Variants in ASAP1 observed in about 807,000 individuals in gnomAD.
The protein encoded by ASAP1 is arf-GAP with SH3 domain, ANK repeat and PH domain-containing protein 1.
In ASAP1, 43 loss-of-function variants were observed where a neutral mutation model predicts 145.2. The ratio of observed to expected loss-of-function variants is 0.30; its 90% CI spans 0.23 to 0.38. The LOEUF is 0.38. ASAP1 is among the 10% of genes least tolerant of loss of function. ASAP1 has a pLI of 1.00. For synonymous variants in ASAP1, 546 were observed against 515.5 expected, an observed-to-expected ratio of 1.06 and a Z score of -0.80; for missense variants, 1,018 against 1,355.3, an observed-to-expected ratio of 0.75 and a Z score of 3.91.
intron 3 of ASAP1, among the ~76,000 whole-genome samples, chr8:130,260,397 A>T (rs1013386918): frequency 6.6e-6 from 1 of 152,224 alleles, no homozygotes; most frequent in Admixed American, 6.5e-5. Flanking sequence ...TTCTCTTAAC[A>T]GCCAAAAGCT....
intron 2 of ASAP1, among the ~76,000 whole-genome samples, chr8:130,373,998 G>C (rs1367882195): frequency 6.8e-6 from 1 of 147,082 alleles, no homozygotes; most frequent in African/African-American, 2.5e-5. Context: ...AAAAATATTT[G>C]GTGCTCAAAG....
At chr8:130,172,749 T>TA (rs1202155891) in intron 9 of ASAP1, among the ~76,000 whole-genome samples, 1 of 152,132 alleles carries the variant, frequency 6.6e-6, no homozygotes. Flanking sequence ...ACAAAAGAAA[T>TA]ACTGAAGAAC....
intron 1 of ASAP1, among the ~76,000 whole-genome samples, chr8:130,436,540 G>A (rs982599666): frequency 6.6e-6 from 1 of 152,160 alleles, no homozygotes; most frequent in Non-Finnish European, 1.5e-5. Flanking sequence ...AAACTCCCGA[G>A]GCTCAAGCAA....
chr8:130,152,082 A>C (rs1407040766), intron 13 of ASAP1, among the ~76,000 whole-genome samples: 1 of 152,240 alleles, frequency 6.6e-6, no homozygotes, highest in East Asian at 1.9e-4. Context: ...TTGCCAACAT[A>C]ATAAATGCTC....
At chr8:130,113,624 G>A (rs2097550085) in intron 23 of ASAP1, among the ~76,000 whole-genome samples, 2 of 148,200 alleles carry the variant, frequency 1.3e-5, no homozygotes, top group Non-Finnish European at 3.0e-5. Context: ...AACTTTCAGA[G>A]GTAGTTAACT....
intron 3 of ASAP1, among the ~76,000 whole-genome samples, chr8:130,314,667 G>T (rs924688358): frequency 1.3e-5 from 2 of 152,210 alleles, no homozygotes; most frequent in South Asian, 2.1e-4. Context: ...TGCAAGGTGG[G>T]GACCTGCAAA....
Position 130,151,147 on chromosome 8 carries a change from C to A in ASAP1, c.1080+1589G>T, listed in dbSNP as rs181363932. On this transcript the variant is annotated intron_variant, in intron 13 of 29. Transcript: ENST00000518721. The stretch of plus-strand genomic sequence containing the variant: ...CAGCACTTTGGGAGGCCGAAGCGGG[C>A]AGATCACAAGGTCAGGAGTTTGAGA... Among the ~76,000 whole-genome samples, 498 of 151,970 alleles carry A rather than the reference C, an allele frequency of 3.3e-3. 3 individuals carry two copies. Among genetic ancestry groups the A allele is most frequent in the African/African-American group, 0.011 (472 of 41,478 alleles).
chr8:130,193,318 A>C (rs1041714164), intron 5 of ASAP1, among the ~76,000 whole-genome samples: 6 of 152,048 alleles, frequency 3.9e-5, no homozygotes, highest in Admixed American at 2.0e-4. Flanking sequence ...GCAGTGAGCC[A>C]AGATTGTGCC....
At chr8:130,299,663 A>G (rs901189260) in intron 3 of ASAP1, among the ~76,000 whole-genome samples, 1 of 147,126 alleles carries the variant, frequency 6.8e-6, no homozygotes. Context: ...GAAAAATGCA[A>G]AATAATTTAG....
At chr8:130,410,122 A>G (rs554666570) in intron 1 of ASAP1, among the ~76,000 whole-genome samples, 3 of 152,364 alleles carry the variant, frequency 2.0e-5, no homozygotes, top group East Asian at 1.9e-4. Flanking sequence ...GGGAAAATGC[A>G]TCTATTCATC....
In ASAP1 at chr8:130,202,877, C is replaced by T. The variant is rs1233287367; in HGVS notation, c.405+11679G>A. Among the ~76,000 whole-genome samples the T allele has an allele frequency of 2.0e-5, 3 of 152,108 alleles. No individual in the cohort carries two copies. The East Asian group carries it at 5.8e-4, about 29-fold the overall frequency. ...TGTGGCAATATGTCAATGAAAAGAT[C>T]CACTCATTTTTACTGAAAGATGTAG... is the stretch of plus-strand genomic sequence containing the variant. On this transcript the variant is annotated intron_variant, in intron 5 of 29. Transcript: ENST00000518721.
chr8:130,153,545 T>C (rs554974152), intron 12 of ASAP1, among the ~76,000 whole-genome samples: 43 of 151,450 alleles, frequency 2.8e-4, no homozygotes, highest in Admixed American at 1.3e-3. Flanking sequence ...AATTTTTACA[T>C]TTTTTGTAGA....
At chr8:130,271,607 GT>G (rs1175333340) in intron 3 of ASAP1, among the ~76,000 whole-genome samples, 1 of 152,024 alleles carries the variant, frequency 6.6e-6, no homozygotes, top group Non-Finnish European at 1.5e-5. Flanking sequence ...TTGGTCTTTT[GT>G]TTTTGCATCT....
intron 1 of ASAP1, among the ~76,000 whole-genome samples, chr8:130,434,922 T>C (rs1267512546): frequency 6.6e-6 from 1 of 152,092 alleles, no homozygotes; most frequent in East Asian, 1.9e-4. Context: ...AGACCTGAAA[T>C]GCTTACAGCC....
At chr8:130,059,161 C>T (rs2097411679) in intron 28 of ASAP1, among the ~76,000 whole-genome samples, 1 of 151,452 alleles carries the variant, frequency 6.6e-6, no homozygotes, top group East Asian at 1.9e-4. Context: ...TTTACTGCAA[C>T]ATTTAAATTT....
intron 5 of ASAP1, among the ~76,000 whole-genome samples, chr8:130,197,982 T>TA (rs1250995641): frequency 6.6e-6 from 1 of 152,182 alleles, no homozygotes; most frequent in Non-Finnish European, 1.5e-5. Flanking sequence ...CCCCTGTATG[T>TA]AAGCCCCTAA....
At chr8:130,352,372 G>A (rs6996788) in intron 3 of ASAP1, among the ~76,000 whole-genome samples, 5,118 of 152,126 alleles carry the variant, frequency 0.034, 295 homozygotes, top group African/African-American at 0.12. Flanking sequence ...GGGAGCTGAC[G>A]AACAAGATCA....
intron 4 of ASAP1, among the ~76,000 whole-genome samples, chr8:130,230,682 G>A (rs1221331787): frequency 6.6e-6 from 1 of 152,040 alleles, no homozygotes; most frequent in Non-Finnish European, 1.5e-5. Context: ...CCTTTTGAGA[G>A]CTTAAGAATT....
intron 3 of ASAP1, among the ~76,000 whole-genome samples, chr8:130,259,494 G>A (rs1231396897): frequency 6.6e-6 from 1 of 152,182 alleles, no homozygotes; most frequent in East Asian, 1.9e-4. Context: ...GAAGTTTGTA[G>A]ATGGACAAAA....
Sources: gnomAD v4.1 joint callset for allele counts (sites outside exome capture counted in the v4.1 genomes callset) on GRCh38, gnomAD v4.1.1 for gene constraint, MANE v1.5 for transcripts, NCBI Gene and HGNC (gene_info 2026-07-23, HGNC 2026-07-21) for gene names.